MYRFL: variants seen among roughly 807,000 people sequenced by gnomAD.
MYRFL encodes the protein myelin regulatory factor like.
In MYRFL, 88 loss-of-function variants were observed where a neutral mutation model predicts 109.4. The ratio of observed to expected loss-of-function variants is 0.80; its 90% CI spans 0.68 to 0.96. The LOEUF is 0.96. MYRFL is among the 40% of genes least tolerant of loss of function. The pLI is 0.00. For missense variants in MYRFL, 957 were observed against 954.9 expected, an observed-to-expected ratio of 1.00 and a Z score of -0.03; for synonymous variants, 324 against 320.9, an observed-to-expected ratio of 1.01 and a Z score of -0.10.
intron 10 of MYRFL, among the ~76,000 whole-genome samples, chr12:69,897,798 A>C (rs1954046514): frequency 6.6e-6 from 1 of 152,226 alleles, no homozygotes; most frequent in Non-Finnish European, 1.5e-5. Context: ...GTAGGAAAGC[A>C]TTCCAGGCCA....
intron 21 of MYRFL, among the ~76,000 whole-genome samples, chr12:69,954,133 A>G (rs1163479756): frequency 2.6e-5 from 4 of 152,236 alleles, no homozygotes. Flanking sequence ...TGGCAGATAC[A>G]GCTATTAATT....
chr12:69,956,629 T>C (rs1359852819), intron 22 of MYRFL, among the ~76,000 whole-genome samples: 2 of 151,608 alleles, frequency 1.3e-5, no homozygotes, highest in Non-Finnish European at 2.9e-5. Flanking sequence ...CTTGCCCAGC[T>C]CTGTTTTCCT....
At chr12:69,927,057 GCCTC>G (rs1303183642) in intron 14 of MYRFL, among the ~76,000 whole-genome samples, 15 of 145,456 alleles carry the variant, frequency 1.0e-4, no homozygotes, top group Non-Finnish European at 2.2e-4. Flanking sequence ...GGATTCTCCT[GCCTC>G]AACCTCCCGA....
intron 1 of MYRFL, among the ~76,000 whole-genome samples, chr12:69,840,387 T>A (rs1883177368): frequency 6.6e-6 from 1 of 152,220 alleles, no homozygotes; most frequent in Non-Finnish European, 1.5e-5. Context: ...GATTCTAGCA[T>A]AATTTCCTCT....
At chr12:69,920,032 A>G (rs1049228860) in intron 13 of MYRFL, among the ~76,000 whole-genome samples, 1 of 152,186 alleles carries the variant, frequency 6.6e-6, no homozygotes, top group African/African-American at 2.4e-5. Context: ...TATCTTGGGT[A>G]CATTATCTTT....
At chr12:69,861,530 G>A (rs1208744907) in intron 2 of MYRFL, among the ~76,000 whole-genome samples, 2 of 151,278 alleles carry the variant, frequency 1.3e-5, no homozygotes, top group African/African-American at 4.8e-5. Context: ...GTGTGTTTTG[G>A]CTGCATAAAT....
chr12:69,870,086 T>C (rs1333860645), intron 2 of MYRFL, among the ~76,000 whole-genome samples: 1 of 149,216 alleles, frequency 6.7e-6, no homozygotes, highest in Non-Finnish European at 1.5e-5. Context: ...TAAGAATCTC[T>C]TGATTTTTCT....
intron 5 of MYRFL, among the ~76,000 whole-genome samples, chr12:69,886,580 A>G (rs941146036): frequency 2.0e-5 from 3 of 152,162 alleles, no homozygotes. Flanking sequence ...GGGTAGATAG[A>G]TATCAGGGAC....
chr12:69,853,174 G>C (rs532257060), intron 1 of MYRFL, among the ~76,000 whole-genome samples: 4 of 151,726 alleles, frequency 2.6e-5, no homozygotes, highest in Admixed American at 2.6e-4. Flanking sequence ...AGGCAGAGGC[G>C]CCCCCCATCT....
intron 24 of MYRFL, 43 bp downstream of exon 24, chr12:69,958,366 G>T (rs758345858): frequency 6.6e-7 from 1 of 1,517,826 alleles, no homozygotes; most frequent in South Asian, 1.2e-5. Context: ...GAAAGAAATT[G>T]AGCAATAAAA....
chr12:69,936,374 A>C (rs1229905237), intron 18 of MYRFL, 39 bp downstream of exon 18: 57 of 1,533,804 alleles, frequency 3.7e-5, no homozygotes, highest in Non-Finnish European at 4.9e-5. Context: ...ACCCGGTTTC[A>C]AGTGAACTGT....
At chr12:69,883,628 T>A (rs1165089521) in intron 5 of MYRFL, among the ~76,000 whole-genome samples, 1 of 150,046 alleles carries the variant, frequency 6.7e-6, no homozygotes, top group Non-Finnish European at 1.5e-5. Context: ...TTTGGGAGGC[T>A]GAGGTGGGTG....
At chr12:69,854,032 G>A (rs1436306401) in intron 1 of MYRFL, among the ~76,000 whole-genome samples, 10 of 152,198 alleles carry the variant, frequency 6.6e-5, no homozygotes, top group South Asian at 2.1e-4. Context: ...CCGAGATCAC[G>A]CCACTGCACT....
intron 11 of MYRFL, among the ~76,000 whole-genome samples, chr12:69,906,029 A>G (rs889283103): frequency 9.2e-5 from 14 of 152,246 alleles, no homozygotes; most frequent in African/African-American, 3.1e-4. Flanking sequence ...ATTCTTTAAG[A>G]GTGCATTCTA....
At chr12:69,932,205 C>T (rs1371985081) in intron 15 of MYRFL, among the ~76,000 whole-genome samples, 1 of 152,132 alleles carries the variant, frequency 6.6e-6, no homozygotes, top group Non-Finnish European at 1.5e-5. Context: ...CTCAGGTCCC[C>T]GTTTCTCATA....
intron 13 of MYRFL, among the ~76,000 whole-genome samples, chr12:69,918,101 A>T (rs1389355421): frequency 6.6e-6 from 1 of 152,124 alleles, no homozygotes; most frequent in Non-Finnish European, 1.5e-5. Flanking sequence ...AACATTTCAG[A>T]TTTGTTCCCT....
intron 2 of MYRFL, among the ~76,000 whole-genome samples, chr12:69,875,702 G>T (rs898023846): frequency 5.9e-5 from 9 of 152,166 alleles, no homozygotes; most frequent in African/African-American, 1.7e-4. Context: ...AGGCGAGGGG[G>T]ATCTAGATTG....
chr12:69,905,730 T>C (rs982506045), intron 11 of MYRFL, among the ~76,000 whole-genome samples: 2 of 152,210 alleles, frequency 1.3e-5, no homozygotes, highest in Non-Finnish European at 2.9e-5. Context: ...TTACATGTAA[T>C]TTATTTATTA....
At chr12:69,907,838 T>G (rs1407460386) in intron 11 of MYRFL, among the ~76,000 whole-genome samples, 2 of 152,194 alleles carry the variant, frequency 1.3e-5, no homozygotes, top group African/African-American at 4.8e-5. Flanking sequence ...GGAGATCATC[T>G]GGCACATAGT....
Sources: gnomAD v4.1 joint callset for allele counts (sites outside exome capture counted in the v4.1 genomes callset) on GRCh38, gnomAD v4.1.1 for gene constraint, MANE v1.5 for transcripts, NCBI Gene and HGNC (gene_info 2026-07-23, HGNC 2026-07-21) for gene names.